Variants in FHOD3 observed in about 807,000 individuals in gnomAD.
The protein encoded by FHOD3 is formin homology 2 domain containing 3, also known as FH1/FH2 domain-containing protein 3.
In FHOD3, 90 loss-of-function variants were observed where a neutral mutation model predicts 173.0. The ratio of observed to expected loss-of-function variants is 0.52; its 90% CI spans 0.44 to 0.62. The LOEUF (loss-of-function observed/expected upper bound fraction) is 0.62. Among genes scored for constraint, FHOD3 ranks in the 20% least tolerant of loss-of-function variants. The pLI, the probability that FHOD3 is intolerant of heterozygous loss-of-function variation, is 0.00. For missense variants in FHOD3, 1,945 were observed against 2,034.7 expected (o/e 0.96, Z 0.85); for synonymous variants, 828 against 823.0 (o/e 1.01, Z -0.10).
At chr18:36,609,215 T>A (rs905793557) in intron 8 of FHOD3, among the ~76,000 whole-genome samples, 5 of 152,358 alleles carry the variant, frequency 3.3e-5, no homozygotes, top group Middle Eastern at 3.4e-3. Context: ...AGGAAACATT[T>A]ACCTCGCAGA....
At chr18:36,566,503 A>AG (rs1198372744) in intron 5 of FHOD3, among the ~76,000 whole-genome samples, 1 of 152,202 alleles carries the variant, frequency 6.6e-6, no homozygotes, top group African/African-American at 2.4e-5. Context: ...AGGAAGCTGA[A>AG]GGGCCAGAGG....
intron 3 of FHOD3, among the ~76,000 whole-genome samples, chr18:36,486,554 T>A (rs1475263079): frequency 6.6e-6 from 1 of 152,312 alleles, no homozygotes; most frequent in Non-Finnish European, 1.5e-5. Context: ...GTGATCTAAG[T>A]TTATATAACA....
chr18:36,701,417 T>G (rs192656603), intron 17 of FHOD3, among the ~76,000 whole-genome samples: 2 of 152,194 alleles, frequency 1.3e-5, no homozygotes, highest in African/African-American at 4.8e-5. Context: ...TGAAATTGCT[T>G]CTTTTTTATC....
chr18:36,693,750 G>A (rs1433355462), intron 17 of FHOD3, among the ~76,000 whole-genome samples: 1 of 152,152 alleles, frequency 6.6e-6, no homozygotes, highest in Admixed American at 6.5e-5. Context: ...TGAGATGTGG[G>A]TCTGCCCAAT....
chr18:36,488,534 C>T (rs1425445229), intron 3 of FHOD3, among the ~76,000 whole-genome samples: 1 of 152,144 alleles, frequency 6.6e-6, no homozygotes, highest in African/African-American at 2.4e-5. Flanking sequence ...CAGGAAAGGA[C>T]TGGACTATTC....
intron 5 of FHOD3, among the ~76,000 whole-genome samples, chr18:36,572,732 G>C (rs7241607): frequency 2.0e-5 from 3 of 152,118 alleles, no homozygotes; most frequent in East Asian, 1.9e-4. Flanking sequence ...TGAGCTCTTG[G>C]GGGGAGGCCT....
At chr18:36,749,460 A>G (rs1250560978) in intron 24 of FHOD3, among the ~76,000 whole-genome samples, 1 of 152,190 alleles carries the variant, frequency 6.6e-6, no homozygotes, top group African/African-American at 2.4e-5. Flanking sequence ...TTGGTTTGCT[A>G]AGGATAATGG....
At chr18:36,361,264 G>C (rs557055887) in intron 2 of FHOD3, among the ~76,000 whole-genome samples, 18 of 152,284 alleles carry the variant, frequency 1.2e-4, no homozygotes, top group Admixed American at 9.8e-4. Context: ...GCCATTAGGG[G>C]TGAGTTCAGC....
intron 17 of FHOD3, among the ~76,000 whole-genome samples, chr18:36,704,210 G>A (rs748720762): frequency 1.3e-5 from 2 of 152,118 alleles, no homozygotes; most frequent in Non-Finnish European, 2.9e-5. Flanking sequence ...GCAAGCCCTC[G>A]GAGCCAGGTC....
Position 36,780,097 on chromosome 18 carries a change from C to T in FHOD3, c.*567C>T. 8.2e-7 allele frequency: 1 copy of T among 1,219,116 alleles called. No individual in the cohort carries two copies. Among genetic ancestry groups the T allele is most frequent in the East Asian group, 3.2e-5 (1 of 31,648 alleles). The allele number at this position is 1,219,116 out of a possible 1,614,324, so 75.5% of individuals were successfully genotyped here. A position where few individuals can be genotyped will look rare whatever the true frequency, so the allele number is the denominator to read the frequency against. ...ATTCTTCTGGGAACAGGACCTTAAA[C>T]AGTTCCACAGGCTCGCCTCTTCAGA... On this transcript the variant is annotated 3_prime_UTR_variant, in exon 29 of 29. Transcript: ENST00000590592.
At chr18:36,386,944 C>T (rs2048063791) in intron 3 of FHOD3, among the ~76,000 whole-genome samples, 1 of 152,176 alleles carries the variant, frequency 6.6e-6, no homozygotes, top group African/African-American at 2.4e-5. Context: ...CTGATGTCAC[C>T]TCCAAATGAT....
intron 8 of FHOD3, among the ~76,000 whole-genome samples, chr18:36,609,701 C>T (rs1265045865): frequency 6.6e-6 from 1 of 151,266 alleles, no homozygotes; most frequent in African/African-American, 2.4e-5. Context: ...TCTCCGTCTC[C>T]CGGGTTCAAG....
intron 3 of FHOD3, among the ~76,000 whole-genome samples, chr18:36,410,541 C>T (rs777059008): frequency 6.0e-5 from 9 of 150,318 alleles, no homozygotes; most frequent in African/African-American, 7.6e-5. Flanking sequence ...GTTAGTAACT[C>T]GACATTTAGC....
chr18:36,482,856 C>CAGAGAGAGAG (rs1198142796), intron 3 of FHOD3, among the ~76,000 whole-genome samples: 33 of 64,124 alleles, frequency 5.1e-4, no homozygotes, highest in African/African-American at 1.6e-3. Context: ...CTCACACACA[C>CAGAGAGAGAG]ACAGAGAGAG....
rs537570205 is a variant in FHOD3, at chr18:36,656,261, T to C, written c.1722-1814T>C. The stretch of plus-strand genomic sequence containing the variant: ...TTGCTTTTGTGCTTCCTATGTGGCC[T>C]GTGGTTTGGGAACCCTGTTGAAAAA... On this transcript the variant is annotated intron_variant, in intron 13 of 28. Coordinates refer to ENST00000590592, the MANE Select transcript of FHOD3 (RefSeq NM_001281740.3). 2.6e-5 allele frequency among the ~76,000 whole-genome samples: 4 copies of C among 152,326 alleles called. No individual in the cohort carries two copies. In the East Asian group the frequency reaches 7.7e-4, roughly 29 times the overall value.
chr18:36,569,204 CAAG>C (rs2058373229), intron 5 of FHOD3, among the ~76,000 whole-genome samples: 1 of 151,874 alleles, frequency 6.6e-6, no homozygotes, highest in Admixed American at 6.6e-5. Flanking sequence ...ATAAATGAAA[CAAG>C]ACCCAACTAA....
In FHOD3 at chr18:36,653,339, C is replaced by T; in HGVS notation, c.1647-3C>T. 2 of 1,533,218 alleles carry T rather than the reference C, an allele frequency of 1.3e-6. No homozygotes were observed. The allele number at this position is 1,533,218 out of a possible 1,614,324, so 95.0% of individuals were successfully genotyped here. On this transcript the variant is annotated splice_region_variant and splice_polypyrimidine_tract_variant and intron_variant, in intron 12 of 28. Transcript: ENST00000590592. ...TGTGAGCGGGCTTTTCTTCCTTTGACAGTTCCTCTGATTCTTTCTCTTTGA... is the reference window on the plus strand; with the variant it reads ...TGTGAGCGGGCTTTTCTTCCTTTGATAGTTCCTCTGATTCTTTCTCTTTGA...
chr18:36,725,597 G>A (rs1194308234), intron 19 of FHOD3, among the ~76,000 whole-genome samples: 1 of 152,062 alleles, frequency 6.6e-6, no homozygotes, highest in South Asian at 2.1e-4. Flanking sequence ...TCAGCAAGGG[G>A]ATCTCCTGGC....
At chr18:36,771,122 CA>C (rs2043358589) in intron 28 of FHOD3, among the ~76,000 whole-genome samples, 1 of 152,152 alleles carries the variant, frequency 6.6e-6, no homozygotes, top group Admixed American at 6.6e-5. Flanking sequence ...GCTCGCAACT[CA>C]AAGTTGAACC....
Sources: allele counts gnomAD v4.1 joint callset (sites outside exome capture counted in the v4.1 genomes callset), GRCh38; gene constraint gnomAD v4.1.1; transcripts MANE v1.5; gene names NCBI Gene and HGNC (gene_info 2026-07-23, HGNC 2026-07-21).